Variants in PLEKHA5 observed in about 807,000 individuals in gnomAD.
PLEKHA5 encodes the protein pleckstrin homology domain containing A5, also known as pleckstrin homology domain-containing family A member 5.
PLEKHA5 carries 55 observed loss-of-function variants against 181.9 expected under a neutral mutation model. That is an observed-to-expected ratio of 0.30 (90% CI 0.24 to 0.38). The LOEUF (loss-of-function observed/expected upper bound fraction) is 0.38, where lower values mean the gene tolerates loss of function less well. Ranked by LOEUF, PLEKHA5 falls within the 10% of genes least tolerant of loss-of-function variation. PLEKHA5 has a pLI of 1.00. For synonymous variants in PLEKHA5, 535 were observed against 529.4 expected (o/e 1.01, Z -0.15); for missense variants, 1,432 against 1,549.5 (o/e 0.92, Z 1.27).
intron 22 of PLEKHA5, among the ~76,000 whole-genome samples, chr12:19,345,140 C>T (rs1014188836): frequency 1.3e-5 from 2 of 151,554 alleles, no homozygotes; most frequent in African/African-American, 4.9e-5. Context: ...TGGCTCATGC[C>T]TGTAATCCGA....
chr12:19,215,530 A>C (rs1255692016), intron 3 of PLEKHA5, among the ~76,000 whole-genome samples: 3 of 152,202 alleles, frequency 2.0e-5, no homozygotes, highest in African/African-American at 7.2e-5. Context: ...TGTCACTTCA[A>C]GTTATACTTT....
At chr12:19,375,214 G>A (rs1332460696) in intron 31 of PLEKHA5, among the ~76,000 whole-genome samples, 1 of 151,380 alleles carries the variant, frequency 6.6e-6, no homozygotes, top group African/African-American at 2.4e-5. Flanking sequence ...ATCCCAGCTA[G>A]TTGGGAGACT....
intron 3 of PLEKHA5, among the ~76,000 whole-genome samples, chr12:19,228,233 C>T (rs1592132412): frequency 6.6e-6 from 1 of 152,166 alleles, no homozygotes; most frequent in Non-Finnish European, 1.5e-5. Context: ...TACTATGTTA[C>T]ACCAGGTCCC....
chr12:19,317,777 A>C (rs2089405089), intron 16 of PLEKHA5, among the ~76,000 whole-genome samples: 1 of 152,086 alleles, frequency 6.6e-6, no homozygotes, highest in Non-Finnish European at 1.5e-5. Context: ...ACATGTCCTT[A>C]TGTAGTTAAT....
chr12:19,197,051 C>T (rs1025095119), intron 3 of PLEKHA5, among the ~76,000 whole-genome samples: 2 of 152,044 alleles, frequency 1.3e-5, no homozygotes, highest in Admixed American at 6.6e-5. Context: ...CCTCCCCTGC[C>T]CTTCTGTAGA....
intron 3 of PLEKHA5, among the ~76,000 whole-genome samples, chr12:19,251,432 GA>G (rs1267955740): frequency 2.7e-5 from 4 of 149,866 alleles, no homozygotes; most frequent in Non-Finnish European, 5.9e-5. Flanking sequence ...GAAAAGAAAA[GA>G]AAAAAAAGTT....
At chr12:19,317,181 A>G (rs1041795306) in intron 16 of PLEKHA5, among the ~76,000 whole-genome samples, 2 of 152,110 alleles carry the variant, frequency 1.3e-5, no homozygotes, top group African/African-American at 4.8e-5. Flanking sequence ...AGCCTGGGCA[A>G]CAAAGCAAGA....
rs1234615013 is a variant in PLEKHA5 at position 19,309,071 on chromosome 12, GAA to G, written c.2038-5737_2038-5736del. Among the ~76,000 whole-genome samples, 3 of 151,632 alleles carry G rather than the reference GAA, an allele frequency of 2.0e-5. No individual in the cohort carries two copies. The South Asian group carries it at 6.3e-4, about 32-fold the overall frequency. ...AGCAAGACTCCATCTCAAAAAAAAA[GAA>G]AAAAAGAGAAAAGAAATAGATAATT... On this transcript the variant is annotated intron_variant, in intron 15 of 31. Coordinates refer to ENST00000429027, the MANE Select transcript of PLEKHA5 (RefSeq NM_001256470.2).
intron 15 of PLEKHA5, among the ~76,000 whole-genome samples, chr12:19,297,258 G>A (rs1197726756): frequency 2.6e-5 from 4 of 151,736 alleles, no homozygotes; most frequent in East Asian, 1.9e-4. Context: ...GCTAAAGGAC[G>A]TTATCCTCAA....
intron 26 of PLEKHA5, among the ~76,000 whole-genome samples, chr12:19,355,963 G>A (rs573768775): frequency 3.3e-4 from 50 of 151,990 alleles, no homozygotes; most frequent in Non-Finnish European, 6.6e-4. Flanking sequence ...TCAGGAGTTC[G>A]AGACCAGCCT....
At chr12:19,360,184 G>C (rs982775118) in intron 28 of PLEKHA5, among the ~76,000 whole-genome samples, 1 of 151,812 alleles carries the variant, frequency 6.6e-6, no homozygotes, top group Non-Finnish European at 1.5e-5. Context: ...ACAAAAATTA[G>C]CCAGGTGTGG....
intron 8 of PLEKHA5, among the ~76,000 whole-genome samples, chr12:19,268,176 TATG>T (rs2071195269): frequency 1.3e-5 from 2 of 152,226 alleles, no homozygotes; most frequent in South Asian, 4.1e-4. Flanking sequence ...TTAAGTATTT[TATG>T]ATGTTAAAAC....
At chr12:19,306,032 A>C (rs1402277732) in intron 15 of PLEKHA5, among the ~76,000 whole-genome samples, 2 of 151,912 alleles carry the variant, frequency 1.3e-5, no homozygotes, top group African/African-American at 4.8e-5. Flanking sequence ...GTGAGCTGAG[A>C]TCGCCCCATT....
rs1396487895 is a variant in PLEKHA5 at position 19,288,212 on chromosome 12, A to G, written c.1863+656A>G. 3 of 190,636 alleles carry G rather than the reference A, an allele frequency of 1.6e-5. No individual in the cohort carries two copies. The South Asian group carries it at 2.8e-4, about 18-fold the overall frequency. The allele number at this position is 190,636 out of a possible 1,614,324, so 11.8% of individuals were successfully genotyped here. A position where few individuals can be genotyped will look rare whatever the true frequency, so the allele number is the denominator to read the frequency against. On this transcript the variant is annotated intron_variant, in intron 13 of 31. Coordinates refer to ENST00000429027, the MANE Select transcript of PLEKHA5 (RefSeq NM_001256470.2). ...TCCAGCAAGCAGTTATTTGTAGTCA[A>G]ACTACCAGCGTATTAAGTTTTTCGT... is the stretch of plus-strand genomic sequence containing the variant.
chr12:19,176,317 C>CTG (rs916265641), intron 3 of PLEKHA5: 11 of 147,570 alleles, frequency 7.5e-5, no homozygotes, highest in African/African-American at 2.8e-4. Flanking sequence ...TATGCCGAGG[C>CTG]TGGAGTGTAG....
intron 3 of PLEKHA5, among the ~76,000 whole-genome samples, chr12:19,182,857 T>C (rs1023816285): frequency 7.9e-5 from 12 of 152,180 alleles, no homozygotes; most frequent in African/African-American, 2.9e-4. Context: ...TGTAATGTAC[T>C]AAAACAACAC....
intron 3 of PLEKHA5, among the ~76,000 whole-genome samples, chr12:19,233,025 A>C (rs2060868008): frequency 6.6e-6 from 1 of 152,156 alleles, no homozygotes; most frequent in South Asian, 2.1e-4. Flanking sequence ...TGAGAGTTTA[A>C]TTTCTGTAAG....
intron 3 of PLEKHA5, among the ~76,000 whole-genome samples, chr12:19,247,111 C>A (rs914567437): frequency 6.6e-6 from 1 of 152,132 alleles, no homozygotes; most frequent in African/African-American, 2.4e-5. Flanking sequence ...GGAGGGAAAA[C>A]CATAGCAATG....
chr12:19,229,812 T>C (rs1199842956), intron 3 of PLEKHA5, among the ~76,000 whole-genome samples: 3 of 152,102 alleles, frequency 2.0e-5, no homozygotes, highest in Non-Finnish European at 4.4e-5. Flanking sequence ...TACAGAGAGC[T>C]GATTGGTCCG....
Sources: allele counts gnomAD v4.1 joint callset (sites outside exome capture counted in the v4.1 genomes callset), GRCh38; gene constraint gnomAD v4.1.1; transcripts MANE v1.5; gene names NCBI Gene and HGNC (gene_info 2026-07-23, HGNC 2026-07-21).